MYT1L: variants seen among roughly 807,000 people sequenced by gnomAD.
MYT1L encodes the protein myelin transcription factor 1 like.
A neutral mutation model predicts 126.7 loss-of-function variants in MYT1L; 12 were observed. That is an observed-to-expected ratio of 0.09 (90% CI 0.06 to 0.15). MYT1L has a LOEUF of 0.15. MYT1L is among the 10% of genes least tolerant of loss of function. MYT1L has a pLI of 1.00. For missense variants in MYT1L, 979 were observed against 1,585.2 expected, an observed-to-expected ratio of 0.62 and a Z score of 6.49; for synonymous variants, 541 against 604.2, an observed-to-expected ratio of 0.90 and a Z score of 1.53.
chr2:2,057,121 TA>T (rs2150124613), intron 3 of MYT1L, among the ~76,000 whole-genome samples: 1 of 152,344 alleles, frequency 6.6e-6, no homozygotes, highest in African/African-American at 2.4e-5. Flanking sequence ...CTTGTGTTCA[TA>T]TATGTGCATG....
At chr2:1,918,032 T>G (rs1462472651) in intron 10 of MYT1L, among the ~76,000 whole-genome samples, 1 of 152,200 alleles carries the variant, frequency 6.6e-6, no homozygotes, top group African/African-American at 2.4e-5. Flanking sequence ...TTTCTTCATC[T>G]GTACTTGGAA....
At chr2:2,063,254 A>G (rs2070769545) in intron 3 of MYT1L, among the ~76,000 whole-genome samples, 1 of 152,234 alleles carries the variant, frequency 6.6e-6, no homozygotes, top group African/African-American at 2.4e-5. Context: ...GACAAAGTCA[A>G]TGATAACTTC....
At chr2:1,960,700 C>T (rs2058888498) in intron 8 of MYT1L, among the ~76,000 whole-genome samples, 1 of 152,096 alleles carries the variant, frequency 6.6e-6, no homozygotes, top group Admixed American at 6.5e-5. Context: ...CACAATGCAT[C>T]ACCTCCCTGG....
At chr2:1,944,391 T>C (rs2056999062) in intron 8 of MYT1L, among the ~76,000 whole-genome samples, 1 of 152,142 alleles carries the variant, frequency 6.6e-6, no homozygotes, top group Non-Finnish European at 1.5e-5. Context: ...AGGGGAGACA[T>C]AGAGGCAAAC....
At chr2:2,304,448 C>T (rs985142547) in intron 1 of MYT1L, among the ~76,000 whole-genome samples, 1 of 152,194 alleles carries the variant, frequency 6.6e-6, no homozygotes, top group East Asian at 1.9e-4. Context: ...ACTTAAACCT[C>T]TCTCTATAGT....
At position 1,979,706 on chromosome 2, in the gene MYT1L, G is replaced by C; in HGVS notation, c.55+17C>G. On this transcript the variant is annotated intron_variant, in intron 6 of 24. Coordinates refer to ENST00000647738, the MANE Select transcript of MYT1L (RefSeq NM_001303052.2). The surrounding 1 kb of genome is among the most constrained non-coding windows in gnomAD (Gnocchi z 4.0). ...GACCCTGAGCCGGCCTCAGGATGCA[G>C]GGAAGCGCGGACATACCTCGAACCC... 1.2e-6 allele frequency: 2 copies of C among 1,613,988 alleles called. No individual in the cohort carries two copies. Among genetic ancestry groups the C allele is most frequent in the East Asian group, 2.2e-5 (1 of 44,874 alleles).
chr2:2,146,415 G>C lies in MYT1L; in HGVS notation c.-304+26457C>G, dbSNP rs926582840. ...GCAGAGCACCTGGGACGATAGAAGT[G>C]AGTGTGGGTGGTAAGCACCATCCTC... On this transcript the variant is annotated intron_variant, in intron 3 of 24. Transcript: ENST00000647738. 7.9e-5 allele frequency among the ~76,000 whole-genome samples: 12 copies of C among 152,298 alleles called. No individual in the cohort carries two copies. In the South Asian group the frequency reaches 8.3e-4, roughly 11 times the overall value.
At chr2:1,984,505 A>ATT (rs35510686) in intron 5 of MYT1L, among the ~76,000 whole-genome samples, 12,154 of 114,138 alleles carry the variant, frequency 0.11, 993 homozygotes, top group African/African-American at 0.17. Flanking sequence ...CCAAGAACTA[A>ATT]TTTTTTTTTT....
intron 24 of MYT1L, 51 bp from the exon 25 acceptor site, chr2:1,792,058 T>C: frequency 1.4e-6 from 2 of 1,388,356 alleles, no homozygotes; most frequent in Non-Finnish European, 1.9e-6. Context: ...TTCTTAATAG[T>C]ATATTTACAA....
chr2:1,892,139 C>T lies in MYT1L; in HGVS notation c.2181G>A (p.Glu727=). 1.3e-6 allele frequency: 2 copies of T among 1,548,110 alleles called. No homozygotes were observed. Among genetic ancestry groups the T allele is most frequent in the Non-Finnish European group, 8.7e-7 (1 of 1,146,660 alleles). The change falls in exon 15 of 25, where the codon GAG becomes GAA. Residue 727 remains glutamate, a synonymous_variant. Transcript: ENST00000647738. ...TGGCGGTGGCCGCCATGTGGGCCGC[C>T]TCCATGTCGTGCGTGTAGTCGAAGC... ...KSSFDYTHDM[E]AAHMAATAIL... is the part of the protein sequence containing the mutation.
intron 8 of MYT1L, among the ~76,000 whole-genome samples, chr2:1,953,618 T>C (rs2058080905): frequency 6.6e-6 from 1 of 152,216 alleles, no homozygotes; most frequent in Admixed American, 6.5e-5. Flanking sequence ...ATTTAGCTGT[T>C]TTCTTTTTGG....
At chr2:2,015,217 C>T (rs1284768602) in intron 4 of MYT1L, among the ~76,000 whole-genome samples, 1 of 152,196 alleles carries the variant, frequency 6.6e-6, no homozygotes, top group African/African-American at 2.4e-5. Flanking sequence ...CCTTTAAGCA[C>T]ACGGCCTCCG....
In MYT1L at chr2:1,979,388, G is replaced by A. The variant is rs1008841637; in HGVS notation, c.89+133C>T. On this transcript the variant is annotated intron_variant, in intron 7 of 24. Transcript: ENST00000647738. The surrounding 1 kb of genome is among the most constrained non-coding windows in gnomAD (Gnocchi z 4.0). The stretch of plus-strand genomic sequence containing the variant: ...GGGAGGCTTTTTACGAGCAAGTCTC[G>A]GGGGAATTAATTTCATCAGTGCAGC... 53 of 1,124,602 alleles carry A rather than the reference G, an allele frequency of 4.7e-5. No individual in the cohort carries two copies. The highest frequency in any genetic ancestry group is 2.2e-4 in the Admixed American group (12 of 54,814). 69.7% of individuals were successfully genotyped at this position (1,124,602 alleles called of 1,614,324 possible).
At chr2:2,131,953 G>A (rs1311159373) in intron 3 of MYT1L, among the ~76,000 whole-genome samples, 2 of 138,060 alleles carry the variant, frequency 1.4e-5, no homozygotes, top group Admixed American at 1.6e-4. Context: ...TCTGTTGCCA[G>A]GCTGAAGTGC....
intron 9 of MYT1L, among the ~76,000 whole-genome samples, chr2:1,923,637 T>C (rs1434577405): frequency 1.3e-5 from 2 of 152,260 alleles, no homozygotes; most frequent in Admixed American, 6.5e-5. Context: ...GTATTAACTG[T>C]GCTCCTCACA....
At chr2:2,171,021 G>A (rs891127736) in intron 3 of MYT1L, among the ~76,000 whole-genome samples, 1 of 152,178 alleles carries the variant, frequency 6.6e-6, no homozygotes, top group African/African-American at 2.4e-5. Flanking sequence ...ACCTTTGGGT[G>A]ACAAGCTTGT....
intron 20 of MYT1L, among the ~76,000 whole-genome samples, chr2:1,840,116 T>C (rs2041466497): frequency 6.6e-6 from 1 of 152,198 alleles, no homozygotes; most frequent in Non-Finnish European, 1.5e-5. Flanking sequence ...GCATTACCTA[T>C]TTATTTTGAC....
At chr2:1,800,283 T>A (rs1342429472) in intron 23 of MYT1L, 1 of 152,292 alleles carries the variant, frequency 6.6e-6, no homozygotes, top group Non-Finnish European at 1.5e-5. Flanking sequence ...GTTACTCCAT[T>A]CCCCAAGCCT....
intron 2 of MYT1L, among the ~76,000 whole-genome samples, chr2:2,261,102 C>A (rs1234513359): frequency 1.3e-5 from 2 of 151,968 alleles, no homozygotes; most frequent in Non-Finnish European, 2.9e-5. Flanking sequence ...ACTCACCCTA[C>A]CGCCCTTCCT....
Sources: allele counts gnomAD v4.1 joint callset (sites outside exome capture counted in the v4.1 genomes callset), GRCh38; gene constraint gnomAD v4.1.1; non-coding constraint Gnocchi (gnomAD v3.1); transcripts MANE v1.5; gene names NCBI Gene and HGNC (gene_info 2026-07-23, HGNC 2026-07-21).